Variants in ACACB observed in about 807,000 individuals in gnomAD.
ACACB encodes acetyl-CoA carboxylase 2.
In ACACB, 209 loss-of-function variants were observed where a neutral mutation model predicts 278.8. That is an observed-to-expected ratio of 0.75 (90% CI 0.67 to 0.84). ACACB has a LOEUF of 0.84. Among genes scored for constraint, ACACB ranks in the 40% least tolerant of loss-of-function variants. The probability of loss-of-function intolerance (pLI) is 0.00; values close to 1 mark genes in which losing one functional copy is unlikely to be tolerated. For synonymous variants in ACACB, 1,174 were observed against 1,285.6 expected, an observed-to-expected ratio of 0.91 and a Z score of 1.86; for missense variants, 2,850 against 3,269.0, an observed-to-expected ratio of 0.87 and a Z score of 3.13.
At chr12:109,213,039 G>C in intron 22 of ACACB, 103 bp downstream of exon 22, 1 of 956,294 alleles carries the variant, frequency 1.0e-6, no homozygotes, top group South Asian at 1.4e-5. Context: ...GGCTTGAACT[G>C]AGAGAAAGTG....
At chr12:109,164,220 A>C (rs1014551664) in intron 2 of ACACB, among the ~76,000 whole-genome samples, 1 of 152,006 alleles carries the variant, frequency 6.6e-6, no homozygotes, top group Non-Finnish European at 1.5e-5. Flanking sequence ...AACTTGAAGA[A>C]GGTTTTCCTT....
intron 44 of ACACB, among the ~76,000 whole-genome samples, chr12:109,254,975 A>G (rs781525969): frequency 1.2e-4 from 18 of 152,036 alleles, no homozygotes; most frequent in Non-Finnish European, 2.2e-4. Flanking sequence ...GAGTTTCACC[A>G]TGTTGGCCAG....
chr12:109,262,984 T>TATATATATATATATATATA (rs1593741001), intron 49 of ACACB: 1 of 32,130 alleles, frequency 3.1e-5, no homozygotes, highest in Non-Finnish European at 1.2e-4. Flanking sequence ...ATATATATAT[T>TATATATATATATATATATA]GCCATCGTGA....
rs766501542 is a variant in ACACB at position 109,253,043 on chromosome 12, A to G, written c.5930A>G (p.Asn1977Ser). 1.9e-6 allele frequency: 3 copies of G among 1,612,546 alleles called. No individual in the cohort carries two copies. The highest frequency in any genetic ancestry group is 4.5e-5 in the East Asian group (2 of 44,870). ...CTGGGAAGAGAGGTCTACACATCCA[A>G]CAACCAGCTGGGTGGCGTTCAGATC... ...KVLGREVYTS[N>S]NQLGGVQIMH... The change falls in exon 43 of 53, where the codon AAC becomes AGC. Residue 1977 changes from asparagine (N) to serine (S), a missense_variant. Asn to Ser is a conservative substitution (Grantham distance 46). Transcript: ENST00000338432.
chr12:109,206,641 C>G (rs1173177985), intron 19 of ACACB, 69 bp from the exon 20 acceptor site: 1 of 1,575,784 alleles, frequency 6.3e-7, no homozygotes, highest in Non-Finnish European at 8.7e-7. Flanking sequence ...TCCTGCCTCC[C>G]GTTCTGCCCG....
intron 31 of ACACB, among the ~76,000 whole-genome samples, chr12:109,234,870 T>A (rs1205597180): frequency 1.3e-5 from 2 of 150,612 alleles, no homozygotes; most frequent in African/African-American, 4.9e-5. Context: ...ATGGCACATA[T>A]ATACCTGTGT....
At chr12:109,167,328 A>C in intron 3 of ACACB, 1 of 195,790 alleles carries the variant, frequency 5.1e-6, no homozygotes. Context: ...CATGCCTGTA[A>C]TCCCAGCACT....
intron 2 of ACACB, among the ~76,000 whole-genome samples, chr12:109,148,895 A>G (rs2043305384): frequency 6.6e-6 from 1 of 152,170 alleles, no homozygotes; most frequent in African/African-American, 2.4e-5. Context: ...TATGATTATG[A>G]GTGATTTAAA....
intron 1 of ACACB, among the ~76,000 whole-genome samples, chr12:109,128,756 T>C (rs1430496076): frequency 6.6e-6 from 1 of 151,884 alleles, no homozygotes; most frequent in African/African-American, 2.4e-5. Context: ...TGCTTTCTTT[T>C]TTTTTTTTTT....
intron 2 of ACACB, among the ~76,000 whole-genome samples, chr12:109,145,920 A>G (rs1300781806): frequency 2.0e-5 from 3 of 152,030 alleles, no homozygotes; most frequent in Non-Finnish European, 4.4e-5. Flanking sequence ...GAGTTAGGAG[A>G]ATCACTTGAA....
intron 1 of ACACB, among the ~76,000 whole-genome samples, chr12:109,134,724 G>T (rs1339791965): frequency 6.6e-6 from 1 of 152,174 alleles, no homozygotes; most frequent in Non-Finnish European, 1.5e-5. Context: ...TGAGACCAGA[G>T]ATTCACAACC....
chr12:109,242,948 C>T (rs1034304599), intron 37 of ACACB, among the ~76,000 whole-genome samples: 1 of 151,388 alleles, frequency 6.6e-6, no homozygotes, highest in East Asian at 2.0e-4. Flanking sequence ...GCTGGGTGAC[C>T]GAGTGAGACC....
chr12:109,116,389 T>A (rs2042404255), upstream of ACACB, among the ~76,000 whole-genome samples: 1 of 152,162 alleles, frequency 6.6e-6, no homozygotes, highest in African/African-American at 2.4e-5. Flanking sequence ...CAGCTAAGAA[T>A]TATGAAATAA....
chr12:109,239,206 G>T (rs1293019543), intron 34 of ACACB, among the ~76,000 whole-genome samples: 1 of 152,186 alleles, frequency 6.6e-6, no homozygotes, highest in African/African-American at 2.4e-5. Flanking sequence ...GAGCCACTGT[G>T]CCTGGCCAAG....
At chr12:109,126,694 AAAAAAAT>A (rs2042688291) in intron 1 of ACACB, among the ~76,000 whole-genome samples, 3 of 151,094 alleles carry the variant, frequency 2.0e-5, no homozygotes, top group South Asian at 2.1e-4. Flanking sequence ...TACACACACA[AAAAAAAT>A]AAAAAATAAA....
At chr12:109,113,003 T>C (rs909036665), upstream of ACACB, 1 of 152,244 alleles carries the variant, frequency 6.6e-6, no homozygotes, top group Non-Finnish European at 1.5e-5. Context: ...TTATTATTTA[T>C]GGACACTGAA....
At chr12:109,141,754 T>C (rs924108837) in intron 2 of ACACB, among the ~76,000 whole-genome samples, 1 of 152,186 alleles carries the variant, frequency 6.6e-6, no homozygotes, top group Non-Finnish European at 1.5e-5. Context: ...ATACTGAAAC[T>C]TTTCAGGGGA....
chr12:109,137,255 C>T, intron 1 of ACACB, among the ~76,000 whole-genome samples: 1 of 151,602 alleles, frequency 6.6e-6, no homozygotes, highest in East Asian at 2.1e-4. Flanking sequence ...GGCAACATAT[C>T]AGCAAATTCT....
At chr12:109,189,780 G>A (rs77232303) in intron 13 of ACACB, among the ~76,000 whole-genome samples, 1,995 of 152,142 alleles carry the variant, frequency 0.013, 54 homozygotes, top group African/African-American at 0.046. Context: ...GTCCTTCCCC[G>A]TTACCTGCTG....
Sources: gnomAD v4.1 joint callset for allele counts (sites outside exome capture counted in the v4.1 genomes callset) on GRCh38, gnomAD v4.1.1 for gene constraint, MANE v1.5 for transcripts, NCBI Gene and HGNC (gene_info 2026-07-23, HGNC 2026-07-21) for gene names.